Variants in TM7SF2 observed in about 807,000 individuals in gnomAD.
TM7SF2 encodes delta(14)-sterol reductase TM7SF2.
TM7SF2 carries 51 observed loss-of-function variants against 51.0 expected under a neutral mutation model. The ratio of observed to expected loss-of-function variants is 1.00; its 90% confidence interval spans 0.80 to 1.26. The LOEUF (loss-of-function observed/expected upper bound fraction) is 1.26, where lower values mean the gene tolerates loss of function less well. Ranked by LOEUF, TM7SF2 falls within the 50% of genes most tolerant of loss-of-function variation. TM7SF2 has a pLI of 0.00. For synonymous variants in TM7SF2, 255 were observed against 241.0 expected (o/e 1.06, Z -0.54); for missense variants, 541 against 547.4 (o/e 0.99, Z 0.12).
Position 65,115,929 on chromosome 11 carries a change from A to G in TM7SF2, c.1133A>G (p.Tyr378Cys). The G allele has an allele frequency of 6.2e-7, 1 of 1,613,918 alleles. No homozygotes were observed. Among genetic ancestry groups the G allele is most frequent in the Non-Finnish European group, 8.5e-7 (1 of 1,179,974 alleles). Residue 378 changes from tyrosine (Y) to cysteine (C), a missense_variant, in exon 10 of 10, where the codon TAC (tyrosine) becomes TGC (cysteine). Transcript: ENST00000279263. ...SHLLPYFYLL[Y>C]FTALLVHREA... ...CTGCTGCCCTACTTCTACCTCCTCT[A>G]CTTCACCGCGCTGCTGGTGCACCGT...
chr11:65,113,136 CCT>C (rs770629805), intron 3 of TM7SF2, 82 bp from the exon 4 acceptor site: 67 of 1,399,890 alleles, frequency 4.8e-5, no homozygotes, highest in Non-Finnish European at 6.0e-5. Context: ...CTGTGGCCCC[CCT>C]GAGTTTTGGG....
Position 65,115,526 on chromosome 11 carries a change from T to G in TM7SF2, c.1024T>G (p.Trp342Gly). 6.2e-7 allele frequency: 1 copy of G among 1,614,060 alleles called. No homozygotes were observed. Among genetic ancestry groups the G allele is most frequent in the Non-Finnish European group, 8.5e-7 (1 of 1,180,008 alleles). ...ATGRKLLVSG[W>G]WGMVRHPNYL... ...AGGGCGGAAACTGCTGGTGTCTGGG[T>G]GGTGGGGTATGGTCCGCCATCCCAA... The change falls in exon 9 of 10, where the codon TGG becomes GGG. Residue 342 changes from tryptophan (W) to glycine (G), a missense_variant. Transcript: ENST00000279263.
intron 3 of TM7SF2, 40 bp downstream of exon 3, chr11:65,112,905 C>G: frequency 3.9e-6 from 6 of 1,548,360 alleles, no homozygotes; most frequent in Non-Finnish European, 5.2e-6. Flanking sequence ...GTTAAGCGGC[C>G]GGGGGTGGAG....
rs1200367007 is a variant in TM7SF2 at position 65,112,721 on chromosome 11, CCGCTCGCGGA to C, written c.249+17_249+26del. 1 of 1,547,882 alleles carries C rather than the reference CCGCTCGCGGA, an allele frequency of 6.5e-7. No homozygotes were observed. Among genetic ancestry groups the C allele is most frequent in the South Asian group, 1.2e-5 (1 of 83,910 alleles). ...ACTGCCGGCGCGCAAGGTGCGGGCC[CCGCTCGCGGA>C]CGCTCGGGGGAGGGAAGCGAATGGG... On this transcript the variant is annotated intron_variant, in intron 2 of 9. Coordinates refer to ENST00000279263, the MANE Select transcript of TM7SF2 (RefSeq NM_003273.6).
intron 9 of TM7SF2, 92 bp from the exon 10 acceptor site, chr11:65,115,801 C>G (rs1395408116): frequency 6.2e-7 from 1 of 1,602,104 alleles, no homozygotes; most frequent in Non-Finnish European, 8.5e-7. Context: ...TGCTGAGCCC[C>G]GATGCCCACA....
chr11:65,112,863 A>T lies in TM7SF2; in HGVS notation c.302A>T (p.Asn101Ile). 1 of 1,530,756 alleles carries T rather than the reference A, an allele frequency of 6.5e-7. No individual in the cohort carries two copies. Among genetic ancestry groups the T allele is most frequent in the Non-Finnish European group, 8.8e-7 (1 of 1,134,934 alleles). 94.8% of individuals were successfully genotyped at this position (1,530,756 alleles called of 1,614,324 possible). ...KDKSRLRYPI[N>I]GFQALVLTAL... ...AAGAGTCGCCTGCGCTATCCTATTA[A>T]CGGTGCCTAGGGGACGGGCCCTCGC... The change falls in exon 3 of 10, where the codon AAC (asparagine) becomes ATC (isoleucine). Residue 101 changes from asparagine to isoleucine, a missense_variant and splice_region_variant. Transcript: ENST00000279263.
chr11:65,113,894 A>T, intron 5 of TM7SF2: 1 of 425,024 alleles, frequency 2.4e-6, no homozygotes, highest in Non-Finnish European at 4.3e-6. Context: ...TCTCAACAGC[A>T]GTCAAGCACA....
chr11:65,113,789 G>A (rs982102260), intron 5 of TM7SF2, 195 bp downstream of exon 5: 9 of 605,558 alleles, frequency 1.5e-5, no homozygotes, highest in African/African-American at 5.6e-5. Context: ...AAGCATCTTT[G>A]CTGCAGAGAG....
intron 2 of TM7SF2, 31 bp from the exon 3 acceptor site, chr11:65,112,780 G>C (rs899796567): frequency 5.8e-6 from 9 of 1,550,012 alleles, no homozygotes; most frequent in Non-Finnish European, 7.8e-6. Context: ...AGGACGCCCC[G>C]GGCCTTATCA....
Position 65,116,208 on chromosome 11 carries a change from A to G in TM7SF2, c.*155A>G. 2 of 1,242,996 alleles carry G rather than the reference A, an allele frequency of 1.6e-6. No individual in the cohort carries two copies. Among genetic ancestry groups the G allele is most frequent in the Non-Finnish European group, 1.1e-6 (1 of 920,262 alleles). The allele number at this position is 1,242,996 out of a possible 1,614,324, so 77.0% of individuals were successfully genotyped here. A position where few individuals can be genotyped will look rare whatever the true frequency, so the allele number is the denominator to read the frequency against. On this transcript the variant is annotated 3_prime_UTR_variant, in exon 10 of 10. Transcript: ENST00000279263. The stretch of plus-strand genomic sequence containing the variant: ...AGAAGAGGTGGTTTAGAGCAAGGAA[A>G]AAAATGAAACCAGTGACCAAAATCG...
In TM7SF2 at chr11:65,112,038, G is replaced by T. The variant is rs1472555529; in HGVS notation, c.23G>T (p.Arg8Leu). Residue 8 changes from arginine (R) to leucine (L), a missense_variant, in exon 1 of 10, where the codon CGG becomes CTG. Transcript: ENST00000279263. MAPTQGPRAPLEFGGPLG... is the reference protein window; with the variant it reads MAPTQGPLAPLEFGGPLG... ...ACCATGGCCCCCACTCAGGGCCCCC[G>T]GGCCCCGCTGGAATTCGGAGGGCCC... is the stretch of plus-strand genomic sequence containing the variant. 1 of 1,593,560 alleles carries T rather than the reference G, an allele frequency of 6.3e-7. No homozygotes were observed. Among genetic ancestry groups the T allele is most frequent in the Non-Finnish European group, 8.5e-7 (1 of 1,171,834 alleles).
rs375751631 is a variant in TM7SF2, at chr11:65,115,456, A to G, written c.974-20A>G. ...CAGCTGGGCTTCCTGGGAACTCTCC[A>G]CCCTGCTGTCTTTCCCCAGGGCTTG... On this transcript the variant is annotated intron_variant, in intron 8 of 9. Transcript: ENST00000279263. 21 of 1,613,860 alleles carry G rather than the reference A, an allele frequency of 1.3e-5. No individual in the cohort carries two copies. In the African/African-American group the frequency reaches 2.5e-4, roughly 19 times the overall value.
Position 65,115,917 on chromosome 11 carries a change from TCTA to T in TM7SF2, c.1123_1125del (p.Tyr375del). ...GGGGTGTCACACCTGCTGCCCTACT[TCTA>T]CCTCCTCTACTTCACCGCGCTGCTG... On this transcript the variant is annotated inframe_deletion, in exon 10 of 10. Transcript: ENST00000279263. 6.2e-7 allele frequency: 1 copy of T among 1,614,052 alleles called. No homozygotes were observed. The highest frequency in any genetic ancestry group is 1.1e-5 in the South Asian group (1 of 91,082).
At chr11:65,113,994 G>A (rs1248999322) in intron 5 of TM7SF2, among the ~76,000 whole-genome samples, 2 of 152,122 alleles carry the variant, frequency 1.3e-5, no homozygotes, top group African/African-American at 4.8e-5. Flanking sequence ...CAACCTACCC[G>A]TCACTAGTGG....
Position 65,112,017 on chromosome 11 carries a change from T to TGGCCCCCACTCAG in TM7SF2, c.10_22dup (p.Arg8?). 6.3e-7 allele frequency: 1 copy of TGGCCCCCACTCAG among 1,586,834 alleles called. No individual in the cohort carries two copies. Among genetic ancestry groups the TGGCCCCCACTCAG allele is most frequent in the Non-Finnish European group, 8.6e-7 (1 of 1,167,770 alleles). Reference sequence around the variant, plus strand: ...TCTCTCTCCGGCGGAGCGGAGACCATGGCCCCCACTCAGGGCCCCCGGGCC... The same window carrying TGGCCCCCACTCAG: ...TCTCTCTCCGGCGGAGCGGAGACCATGGCCCCCACTCAGGGCCCCCACTCAGGGCCCCCGGGCC... On this transcript the variant is annotated frameshift_variant and start_lost, in exon 1 of 10. Coordinates refer to ENST00000279263, the MANE Select transcript of TM7SF2 (RefSeq NM_003273.6). LOFTEE classifies it high-confidence loss of function.
chr11:65,113,371 G>A lies in TM7SF2; in HGVS notation c.456G>A (p.Ala152=). 1.2e-6 allele frequency: 2 copies of A among 1,614,124 alleles called. No individual in the cohort carries two copies. The highest frequency in any genetic ancestry group is 1.1e-5 in the South Asian group (1 of 91,084). The change falls in exon 4 of 10, where the codon GCG becomes GCA. Residue 152 remains alanine (A), a synonymous_variant. Coordinates refer to ENST00000279263, the MANE Select transcript of TM7SF2 (RefSeq NM_003273.6). ...TCAGCCTCTTTCTCTACATGAAGGC[G>A]CAGGTAGCCCCAGTTTCGGCCCTGG... ...FIFSLFLYMK[A]QVAPVSALAP...
Position 65,112,496 on chromosome 11 carries a change from G to C in TM7SF2, c.53-19G>C. The C allele has an allele frequency of 6.6e-7, 1 of 1,506,726 alleles. No individual in the cohort carries two copies. The highest frequency in any genetic ancestry group is 1.2e-5 in the South Asian group (1 of 81,412). 93.3% of individuals were successfully genotyped at this position (1,506,726 alleles called of 1,614,324 possible). On this transcript the variant is annotated intron_variant, in intron 1 of 9. Transcript: ENST00000279263. ...GGGGGGCTAGGGGCGGACGCCCGAC[G>C]TGATGGCCCTTCCCGCAGGCGCCGC...
intron 9 of TM7SF2, 124 bp downstream of exon 9, chr11:65,115,722 G>C: frequency 1.3e-6 from 2 of 1,581,580 alleles, no homozygotes; most frequent in African/African-American, 2.7e-5. Flanking sequence ...TGGACCCAGT[G>C]TGTGGCTGGG....
intron 5 of TM7SF2, chr11:65,113,823 G>GA (rs1369035537): frequency 5.2e-6 from 3 of 580,536 alleles, no homozygotes; most frequent in East Asian, 2.9e-5. Flanking sequence ...GGGAAAGACA[G>GA]AAAAAAATAA....
Sources: gnomAD v4.1 joint callset for allele counts (sites outside exome capture counted in the v4.1 genomes callset) on GRCh38, gnomAD v4.1.1 for gene constraint, MANE v1.5 for transcripts, NCBI Gene and HGNC (gene_info 2026-07-23, HGNC 2026-07-21) for gene names.